The following SOS2 variants were observed in gnomAD, a reference collection of about 807,000 sequenced individuals.
The protein encoded by SOS2 is son of sevenless homolog 2.
A neutral mutation model predicts 148.2 loss-of-function variants in SOS2; 65 were observed. That is an observed-to-expected ratio of 0.44 (90% CI 0.36 to 0.54). The LOEUF (loss-of-function observed/expected upper bound fraction) is 0.54. Among genes scored for constraint, SOS2 ranks in the 20% least tolerant of loss-of-function variants. The pLI is 0.00. For missense variants in SOS2, 1,341 were observed against 1,590.2 expected (o/e 0.84, Z 2.67); for synonymous variants, 539 against 537.1 (o/e 1.00, Z -0.05).
At chr14:50,133,354 T>A (rs1299500256) in intron 19 of SOS2, among the ~76,000 whole-genome samples, 3 of 141,400 alleles carry the variant, frequency 2.1e-5, no homozygotes, top group Admixed American at 7.8e-5. Context: ...TGCACCACCA[T>A]GCCTGGCTAA....
intron 1 of SOS2, chr14:50,230,866 ACTGT>A: frequency 9.8e-7 from 1 of 1,019,888 alleles, no homozygotes; most frequent in African/African-American, 1.7e-5. Flanking sequence ...TGTTTTAGAA[ACTGT>A]CTAAATACCA....
intron 1 of SOS2, among the ~76,000 whole-genome samples, chr14:50,210,076 T>A (rs531867623): frequency 6.6e-6 from 1 of 152,340 alleles, no homozygotes; most frequent in Admixed American, 6.5e-5. Flanking sequence ...ATTCTTTTTT[T>A]AAAATTACTA....
intron 4 of SOS2, among the ~76,000 whole-genome samples, chr14:50,191,771 A>G (rs927272655): frequency 2.6e-5 from 4 of 152,164 alleles, no homozygotes; most frequent in African/African-American, 9.7e-5. Context: ...TCTGTTAGGC[A>G]TTCTGATTTT....
intron 14 of SOS2, among the ~76,000 whole-genome samples, chr14:50,147,512 T>TAA (rs60438147): frequency 1.9e-5 from 2 of 105,248 alleles, no homozygotes; most frequent in African/African-American, 7.3e-5. Flanking sequence ...ACCCTGTTTC[T>TAA]AAAAAAAAAA....
chr14:50,216,092 G>T (rs1226144247), intron 1 of SOS2, among the ~76,000 whole-genome samples: 3 of 59,244 alleles, frequency 5.1e-5, no homozygotes, highest in African/African-American at 1.4e-4. Flanking sequence ...AATGTTTTGG[G>T]TTTTTTTTGT....
At chr14:50,181,402 C>T (rs1046187321) in intron 6 of SOS2, among the ~76,000 whole-genome samples, 4 of 150,222 alleles carry the variant, frequency 2.7e-5, no homozygotes, top group Non-Finnish European at 4.4e-5. Context: ...AAGACGAGAT[C>T]GTGCCATTGC....
At chr14:50,143,592 C>T (rs1294736409) in intron 16 of SOS2, among the ~76,000 whole-genome samples, 1 of 152,010 alleles carries the variant, frequency 6.6e-6, no homozygotes, top group South Asian at 2.1e-4. Context: ...CCAGCACATA[C>T]CACCATGCCT....
intron 1 of SOS2, among the ~76,000 whole-genome samples, chr14:50,214,956 C>A (rs1385500950): frequency 1.3e-5 from 2 of 151,726 alleles, no homozygotes; most frequent in Non-Finnish European, 2.9e-5. Context: ...CTGCCTCGGC[C>A]TCCCGAGTAG....
In SOS2 at chr14:50,224,312, T is replaced by TAC. The variant is rs1490235666; in HGVS notation, c.87+6884_87+6885insGT. Among the ~76,000 whole-genome samples the TAC allele has an allele frequency of 7.1e-4, 38 of 53,276 alleles. 1 individual carries two copies. In the South Asian group the frequency reaches 7.7e-3, roughly 11 times the overall value. The allele number at this position is 53,276 out of a possible 152,430, so 35.0% of individuals were successfully genotyped here. ...TCTCAGGAAAAAAAAAAAATATATA[T>TAC]ATACACACACACACACACACACACA... is the stretch of plus-strand genomic sequence containing the variant. On this transcript the variant is annotated intron_variant, in intron 1 of 22. Coordinates refer to ENST00000216373, the MANE Select transcript of SOS2 (RefSeq NM_006939.4).
intron 14 of SOS2, among the ~76,000 whole-genome samples, chr14:50,147,429 T>C (rs1490270299): frequency 2.0e-5 from 3 of 149,288 alleles, no homozygotes; most frequent in African/African-American, 5.0e-5. Flanking sequence ...GGAGGATTGC[T>C]TGAGCCCAGG....
At chr14:50,225,091 T>C (rs1246768959) in intron 1 of SOS2, among the ~76,000 whole-genome samples, 2 of 152,128 alleles carry the variant, frequency 1.3e-5, no homozygotes, top group African/African-American at 2.4e-5. Context: ...TGAAAAAACT[T>C]TGTACTAGCA....
At chr14:50,153,859 C>T (rs1040212679) in intron 12 of SOS2, among the ~76,000 whole-genome samples, 1 of 152,136 alleles carries the variant, frequency 6.6e-6, no homozygotes, top group Non-Finnish European at 1.5e-5. Context: ...GTGATCCGCC[C>T]ACCTCAGCCT....
chr14:50,161,418 A>C, intron 9 of SOS2, 64 bp downstream of exon 9: 1 of 1,356,974 alleles, frequency 7.4e-7, no homozygotes, highest in Non-Finnish European at 1.0e-6. Context: ...ACTTCTTTGA[A>C]AACCAGGCAT....
intron 1 of SOS2, among the ~76,000 whole-genome samples, chr14:50,227,664 T>A (rs1485391872): frequency 3.3e-5 from 5 of 152,316 alleles, no homozygotes; most frequent in African/African-American, 9.6e-5. Context: ...TGACCTCAGG[T>A]AATCTGCCCG....
At chr14:50,164,166 C>A (rs949149474) in intron 8 of SOS2, among the ~76,000 whole-genome samples, 4 of 152,090 alleles carry the variant, frequency 2.6e-5, no homozygotes, top group African/African-American at 9.7e-5. Flanking sequence ...CTGGGCCAGG[C>A]AAGGTGGCTC....
At chr14:50,194,654 T>C (rs1886259615) in intron 4 of SOS2, among the ~76,000 whole-genome samples, 1 of 150,860 alleles carries the variant, frequency 6.6e-6, no homozygotes, top group African/African-American at 2.4e-5. Context: ...GGCAGGCACC[T>C]GTTATCCCAG....
chr14:50,143,881 A>G (rs141749150), intron 16 of SOS2, among the ~76,000 whole-genome samples: 3,592 of 149,608 alleles, frequency 0.024, 140 homozygotes, highest in African/African-American at 0.082. Flanking sequence ...CTGGTCTCAA[A>G]CTCCTGGGCT....
At chr14:50,169,339 A>AAAAAAAC (rs113034439) in intron 8 of SOS2, among the ~76,000 whole-genome samples, 1 of 149,702 alleles carries the variant, frequency 6.7e-6, no homozygotes, top group Non-Finnish European at 1.5e-5. Flanking sequence ...ATAAAAATAA[A>AAAAAAAC]AAACAAACAA....
chr14:50,167,432 A>G (rs138467590), intron 8 of SOS2, among the ~76,000 whole-genome samples: 56 of 152,186 alleles, frequency 3.7e-4, no homozygotes, highest in African/African-American at 1.3e-3. Flanking sequence ...CTACTCGGGA[A>G]GCTGAGATGG....
Sources: gnomAD v4.1 joint callset for allele counts (sites outside exome capture counted in the v4.1 genomes callset) on GRCh38, gnomAD v4.1.1 for gene constraint, MANE v1.5 for transcripts, NCBI Gene and HGNC (gene_info 2026-07-23, HGNC 2026-07-21) for gene names.